GREB1: variants seen among roughly 807,000 people sequenced by gnomAD.
The protein encoded by GREB1 is growth regulating estrogen receptor binding 1, also known as protein GREB1.
In GREB1, 106 loss-of-function variants were observed where a neutral mutation model predicts 200.7. That is an observed-to-expected ratio of 0.53 (90% CI 0.45 to 0.62). The LOEUF is 0.62. Ranked by LOEUF, GREB1 falls within the 20% of genes least tolerant of loss-of-function variation. The pLI, the probability that GREB1 is intolerant of heterozygous loss-of-function variation, is 0.00. For missense variants in GREB1, 2,243 were observed against 2,556.8 expected, an observed-to-expected ratio of 0.88 and a Z score of 2.65; for synonymous variants, 1,132 against 1,092.4, an observed-to-expected ratio of 1.04 and a Z score of -0.72.
chr2:11,544,792 A>C (rs576065871), intron 1 of GREB1, among the ~76,000 whole-genome samples: 2 of 152,134 alleles, frequency 1.3e-5, no homozygotes, highest in South Asian at 4.2e-4. Context: ...TGCAGGCCAC[A>C]TTCTTAGAAT....
At chr2:11,570,133 G>A (rs1678112009) in intron 4 of GREB1, among the ~76,000 whole-genome samples, 2 of 152,138 alleles carry the variant, frequency 1.3e-5, no homozygotes, top group African/African-American at 4.8e-5. Flanking sequence ...ATGGGGCCAG[G>A]TGTGGTGGCT....
rs932814967 is a variant in GREB1, at chr2:11,493,692, A to AT, written c.-159+11318dup. On this transcript the variant is annotated intron_variant, in intron 1 of 2. Transcript: ENST00000628795. The surrounding 1 kb of genome is among the most constrained non-coding windows in gnomAD (Gnocchi z 4.6). The stretch of plus-strand genomic sequence containing the variant: ...GCAACCTTATGTTTTTGAAGGTTGC[A>AT]TTTTTTTCCCCAAAATTTTAGAGAG... 6.6e-6 allele frequency among the ~76,000 whole-genome samples: 1 copy of AT among 152,100 alleles called. No homozygotes were observed. The highest frequency in any genetic ancestry group is 1.5e-5 in the Non-Finnish European group (1 of 68,008).
At chr2:11,487,824 G>GC (rs1439564869) in intron 1 of GREB1, among the ~76,000 whole-genome samples, 1 of 152,146 alleles carries the variant, frequency 6.6e-6, no homozygotes, top group Non-Finnish European at 1.5e-5. Context: ...TGCCCCTGGT[G>GC]TTTTTGACCA....
chr2:11,545,875 G>A (rs1176535741), intron 1 of GREB1, among the ~76,000 whole-genome samples: 3 of 151,754 alleles, frequency 2.0e-5, no homozygotes, highest in African/African-American at 4.9e-5. Flanking sequence ...GGTTTGTGTC[G>A]CTAAAGAAAA....
At chr2:11,625,948 A>G (rs1339417813) in intron 24 of GREB1, among the ~76,000 whole-genome samples, 3 of 152,204 alleles carry the variant, frequency 2.0e-5, no homozygotes, top group Non-Finnish European at 4.4e-5. Flanking sequence ...GCAGCAGGCA[A>G]GAGAGAGTGA....
intron 1 of GREB1, among the ~76,000 whole-genome samples, chr2:11,486,773 C>T (rs1256657982): frequency 6.6e-6 from 1 of 151,758 alleles, no homozygotes; most frequent in South Asian, 2.1e-4. Context: ...GAGGCTGAGG[C>T]GGGAGAATTG....
In GREB1 at chr2:11,585,861, A is replaced by G. The variant is rs915365256; in HGVS notation, c.1115A>G (p.Asp372Gly). 1.2e-6 allele frequency: 2 copies of G among 1,614,020 alleles called. No individual in the cohort carries two copies. The highest frequency in any genetic ancestry group is 1.7e-6 in the Non-Finnish European group (2 of 1,180,034). ...VASGEPVSVP[D>G]NLLKICKAKP... Reference sequence around the variant, plus strand: ...TCTGGAGAACCAGTGTCTGTTCCTGACAACTTGCTGAAAATATGCAAGGCC... The same window carrying G: ...TCTGGAGAACCAGTGTCTGTTCCTGGCAACTTGCTGAAAATATGCAAGGCC... Residue 372 changes from aspartate to glycine, a missense_variant, in exon 9 of 33, where the codon GAC becomes GGC. This residue lies in a region of GREB1 where 1,178 missense variants were observed against 1,387.4 expected (regional missense o/e 0.85). Coordinates refer to ENST00000381486, the MANE Select transcript of GREB1 (RefSeq NM_014668.4).
At chr2:11,636,196 A>G (rs184469388) in intron 30 of GREB1, among the ~76,000 whole-genome samples, 29 of 152,324 alleles carry the variant, frequency 1.9e-4, no homozygotes, top group African/African-American at 7.0e-4. Context: ...AAGTAACAAG[A>G]CCTTTAAATA....
chr2:11,633,680 C>T lies in GREB1; in HGVS notation c.4992-451C>T, dbSNP rs1391969479. On this transcript the variant is annotated intron_variant, in intron 28 of 32. Coordinates refer to ENST00000381486, the MANE Select transcript of GREB1 (RefSeq NM_014668.4). The surrounding 1 kb of genome is among the most constrained non-coding windows in gnomAD (Gnocchi z 4.1). ...AGTATAATACATATACAGAACTTTT[C>T]CCAAGCTAAGCACATTCATTTAACC... Among the ~76,000 whole-genome samples the T allele has an allele frequency of 3.3e-5, 5 of 152,100 alleles. No homozygotes were observed. In the South Asian group the frequency reaches 8.3e-4, roughly 25 times the overall value.
intron 24 of GREB1, among the ~76,000 whole-genome samples, chr2:11,625,804 G>A (rs1224880877): frequency 7.9e-5 from 12 of 152,126 alleles, no homozygotes; most frequent in South Asian, 2.1e-4. Context: ...GTGTTAGTCC[G>A]TTTCACGCTG....
At chr2:11,534,511 C>A (rs1408520053) in intron 1 of GREB1, among the ~76,000 whole-genome samples, 1 of 152,188 alleles carries the variant, frequency 6.6e-6, no homozygotes, top group African/African-American at 2.4e-5. Context: ...CTTGCTGACC[C>A]TGTGTGCTGA....
chr2:11,601,495 C>T (rs1681778137), intron 16 of GREB1, among the ~76,000 whole-genome samples: 1 of 152,328 alleles, frequency 6.6e-6, no homozygotes, highest in African/African-American at 2.4e-5. Flanking sequence ...GACATTTTCT[C>T]ATCAAAATAG....
intron 17 of GREB1, among the ~76,000 whole-genome samples, chr2:11,606,981 CCA>C (rs2148279972): frequency 6.6e-6 from 1 of 151,936 alleles, no homozygotes; most frequent in East Asian, 1.9e-4. Context: ...CAGGGTTTCA[CCA>C]TGTTAGCCAG....
Position 11,610,825 on chromosome 2 carries a change from T to C in GREB1, c.2804T>C (p.Leu935Pro). ...SVETLEITQN[L>P]LNSPKQCPCG... The stretch of plus-strand genomic sequence containing the variant: ...GAGACGCTGGAGATCACGCAGAACC[T>C]CCTCAACTCCCCGAAGCAGTGCCCC... Residue 935 changes from leucine (L) to proline (P), a missense_variant, in exon 18 of 33, where the codon CTC becomes CCC. Transcript: ENST00000381486. 1 of 1,613,418 alleles carries C rather than the reference T, an allele frequency of 6.2e-7. No homozygotes were observed.
chr2:11,592,904 G>T lies in GREB1; in HGVS notation c.1474G>T (p.Ala492Ser). ...GCAGCCCTTCCCGCCCGCGCCCAGC[G>T]CCGCGGCACCCGTGACCTCCGCGCA... The part of the protein sequence containing the change: ...PPQPFPPAPS[A>S]AAPVTSAQLP... Residue 492 changes from alanine to serine, a missense_variant, in exon 11 of 33, where the codon GCC becomes TCC. Ala to Ser is a moderately conservative substitution (Grantham distance 99). Coordinates refer to ENST00000381486, the MANE Select transcript of GREB1 (RefSeq NM_014668.4). 1 of 1,591,574 alleles carries T rather than the reference G, an allele frequency of 6.3e-7. No individual in the cohort carries two copies. Among genetic ancestry groups the T allele is most frequent in the Non-Finnish European group, 8.6e-7 (1 of 1,169,396 alleles).
In GREB1 at chr2:11,616,584, A is replaced by G. The variant is rs1278193901; in HGVS notation, c.3323-47A>G. On this transcript the variant is annotated intron_variant, in intron 20 of 32. Transcript: ENST00000381486. ...CACTGTGAAGTGCTGGGCAAATGTC[A>G]GGAATGGTGATTTCGGTGCATTCTC... The G allele has an allele frequency of 6.1e-6, 7 of 1,149,104 alleles. No individual in the cohort carries two copies. In the Admixed American group the frequency reaches 8.4e-5, roughly 14 times the overall value. 71.2% of individuals were successfully genotyped at this position (1,149,104 alleles called of 1,614,324 possible).
chr2:11,572,104 T>C (rs1354620769), intron 4 of GREB1, among the ~76,000 whole-genome samples: 1 of 152,248 alleles, frequency 6.6e-6, no homozygotes, highest in African/African-American at 2.4e-5. Context: ...TAAAAGTATT[T>C]GTCAGATTTG....
In GREB1 at chr2:11,556,629, C is replaced by T. The variant is rs758926727; in HGVS notation, c.15C>T (p.Tyr5=). 3.5e-5 allele frequency: 57 copies of T among 1,611,014 alleles called. No individual in the cohort carries two copies. Among genetic ancestry groups the T allele is most frequent in the Admixed American group, 1.0e-4 (6 of 59,672 alleles). MGNS[Y]AGQLKTTRFE... ...TCCTCTTGAAGATGGGAAATTCTTA[C>T]GCTGGACAGCTGAAGACGACACGCT... Residue 5 remains tyrosine (Y), a synonymous_variant, in exon 2 of 33, where the codon TAC becomes TAT. Transcript: ENST00000381486.
intron 2 of GREB1, among the ~76,000 whole-genome samples, chr2:11,562,002 A>G (rs1427539323): frequency 6.6e-6 from 1 of 152,118 alleles, no homozygotes. Flanking sequence ...AATGGTCTTC[A>G]TATGACACTA....
Sources: gnomAD v4.1 joint callset for allele counts (sites outside exome capture counted in the v4.1 genomes callset) on GRCh38, gnomAD v4.1.1 for gene constraint, gnomAD v4.1.1 regional missense constraint, Gnocchi (gnomAD v3.1) non-coding constraint, MANE v1.5 for transcripts, NCBI Gene and HGNC (gene_info 2026-07-23, HGNC 2026-07-21) for gene names.